Variants in PRCP observed in about 807,000 individuals in gnomAD.
The protein encoded by PRCP is lysosomal Pro-X carboxypeptidase.
Under a neutral mutation model 54.2 loss-of-function variants are expected in PRCP, and 46 were observed. That is an observed-to-expected ratio of 0.85 (90% confidence interval 0.67 to 1.09). The LOEUF is 1.09. PRCP is among the 50% of genes least tolerant of loss of function. The pLI is 0.00. For missense variants in PRCP, 613 were observed against 596.8 expected (o/e 1.03, Z -0.28); for synonymous variants, 240 against 212.2 (o/e 1.13, Z -1.14).
intron 6 of PRCP, among the ~76,000 whole-genome samples, chr11:82,846,902 G>C (rs1858820295): frequency 1.3e-5 from 2 of 152,174 alleles, no homozygotes; most frequent in South Asian, 4.1e-4. Context: ...TATTTCTCCA[G>C]CCTTTTTCTA....
At chr11:82,882,764 G>A (rs1040659784) in intron 1 of PRCP, among the ~76,000 whole-genome samples, 1 of 147,650 alleles carries the variant, frequency 6.8e-6, no homozygotes, top group African/African-American at 2.7e-5. Flanking sequence ...CAAAGTGCTG[G>A]GATTACAGGC....
At chr11:82,849,653 A>G (rs2121139806) in intron 5 of PRCP, among the ~76,000 whole-genome samples, 1 of 152,294 alleles carries the variant, frequency 6.6e-6, no homozygotes, top group African/African-American at 2.4e-5. Flanking sequence ...CTGGGTAGGT[A>G]TAGAGGTAGT....
rs1477811286 is a variant in PRCP, at chr11:82,900,181, G to T, written c.168+54C>A. The T allele has an allele frequency of 1.2e-5, 19 of 1,596,010 alleles. No individual in the cohort carries two copies. In the South Asian group the frequency reaches 2.0e-4, roughly 17 times the overall value. ...AGGCTCCGTTGCCCGGGCTCTGAGG[G>T]TCAGGGTTCCCGGCGGTTGGGCCTG... is the stretch of plus-strand genomic sequence containing the variant. On this transcript the variant is annotated intron_variant, in intron 1 of 8. Coordinates refer to ENST00000313010, the MANE Select transcript of PRCP (RefSeq NM_005040.4).
At chr11:82,865,193 A>C (rs935743826) in intron 1 of PRCP, among the ~76,000 whole-genome samples, 16 of 152,184 alleles carry the variant, frequency 1.1e-4, no homozygotes, top group African/African-American at 3.9e-4. Context: ...AATTCTTTTC[A>C]TGTGCTTTTA....
intron 8 of PRCP, chr11:82,829,507 T>C (rs552401031): frequency 7.2e-5 from 11 of 152,222 alleles, no homozygotes; most frequent in Non-Finnish European, 1.6e-4. Context: ...CTTGATGAAG[T>C]CTTCCCTGGT....
chr11:82,835,577 A>G (rs774064465), intron 8 of PRCP: 15 of 307,946 alleles, frequency 4.9e-5, no homozygotes, highest in Non-Finnish European at 9.4e-5. Context: ...CCTTTATGTT[A>G]GATGAGGAAG....
At chr11:82,875,824 TA>T (rs1859589998) in intron 1 of PRCP, among the ~76,000 whole-genome samples, 1 of 152,174 alleles carries the variant, frequency 6.6e-6, no homozygotes. Flanking sequence ...GAGAAGCTGA[TA>T]ATGTCTGTCC....
intron 1 of PRCP, among the ~76,000 whole-genome samples, chr11:82,895,121 T>A (rs1860089037): frequency 6.6e-6 from 1 of 152,206 alleles, no homozygotes; most frequent in Non-Finnish European, 1.5e-5. Flanking sequence ...TCATTTATTG[T>A]TTACTAACTG....
Position 82,882,559 on chromosome 11 carries a change from A to G in PRCP, c.168+17676T>C, listed in dbSNP as rs369449088. Among the ~76,000 whole-genome samples the G allele has an allele frequency of 2.7e-4, 39 of 145,204 alleles. 1 individual carries two copies. Among genetic ancestry groups the G allele is most frequent in the African/African-American group, 6.8e-4 (26 of 38,172 alleles). On this transcript the variant is annotated intron_variant, in intron 1 of 8. Coordinates refer to ENST00000313010, the MANE Select transcript of PRCP (RefSeq NM_005040.4). The stretch of plus-strand genomic sequence containing the variant: ...CGCCCAGGCTGGAGTGCAGTGGCGC[A>G]ATCTCGGCTCACTGCAAGCTCCGCC...
chr11:82,839,614 T>G (rs1858612497), intron 6 of PRCP, 189 bp from the exon 7 acceptor site: 4 of 627,334 alleles, frequency 6.4e-6, no homozygotes, highest in African/African-American at 5.6e-5. Flanking sequence ...AATTACTCCT[T>G]AGGCTATAGA....
chr11:82,858,836 C>T (rs1020221987), intron 2 of PRCP: 13 of 152,136 alleles, frequency 8.5e-5, no homozygotes, highest in African/African-American at 3.1e-4. Flanking sequence ...TTTCTCTTGT[C>T]ACTGACCTAA....
At chr11:82,838,695 G>A (rs1858589358) in intron 7 of PRCP, 121 bp from the exon 8 acceptor site, 1 of 867,284 alleles carries the variant, frequency 1.2e-6, no homozygotes, top group Non-Finnish European at 1.7e-6. Context: ...AGGCAAGGCA[G>A]CTTCAACGCC....
chr11:82,866,187 G>T (rs1031371117), intron 1 of PRCP, among the ~76,000 whole-genome samples: 3 of 152,186 alleles, frequency 2.0e-5, no homozygotes, highest in African/African-American at 7.2e-5. Context: ...GATTAAATTT[G>T]ACTTAAAGAA....
rs750128024 is a variant in PRCP, at chr11:82,900,332, G to A, written c.71C>T (p.Pro24Leu). 9 of 1,614,046 alleles carry A rather than the reference G, an allele frequency of 5.6e-6. No homozygotes were observed. In the African/African-American group the frequency reaches 1.2e-4, roughly 22 times the overall value. Reference sequence around the variant, plus strand: ...TAGGCTGCCGAGGGCCCTTAAGGCCGGCCGGAGGGCTATGGTGGCCCAGGG... The same window carrying A: ...TAGGCTGCCGAGGGCCCTTAAGGCCAGCCGGAGGGCTATGGTGGCCCAGGG... ...LAPWATIALR[P>L]ALRALGSLHL... The change falls in exon 1 of 9, where the codon CCG becomes CTG. Residue 24 changes from proline (P) to leucine (L), a missense_variant. Transcript: ENST00000313010.
At chr11:82,891,509 G>A (rs1246110284) in intron 1 of PRCP, among the ~76,000 whole-genome samples, 1 of 152,138 alleles carries the variant, frequency 6.6e-6, no homozygotes, top group Non-Finnish European at 1.5e-5. Flanking sequence ...ATCTCATTCT[G>A]ATTTACGGCC....
intron 8 of PRCP, among the ~76,000 whole-genome samples, chr11:82,831,980 G>A (rs1182106164): frequency 2.6e-5 from 4 of 151,648 alleles, no homozygotes; most frequent in South Asian, 2.1e-4. Flanking sequence ...CTGATTTTCT[G>A]TTCCTGTGTT....
chr11:82,876,456 G>T (rs571474236), intron 1 of PRCP, among the ~76,000 whole-genome samples: 1 of 152,132 alleles, frequency 6.6e-6, no homozygotes, highest in Non-Finnish European at 1.5e-5. Flanking sequence ...CATTTGGCAC[G>T]TGATATAGTT....
intron 3 of PRCP, among the ~76,000 whole-genome samples, chr11:82,852,241 A>C (rs7106555): frequency 0.4 from 61,169 of 152,054 alleles, 13,510 homozygotes; most frequent in African/African-American, 0.59. Context: ...ATCCCACTTT[A>C]TATTTATAAC....
chr11:82,886,524 T>C (rs2121256640), intron 1 of PRCP, among the ~76,000 whole-genome samples: 1 of 152,284 alleles, frequency 6.6e-6, no homozygotes, highest in Non-Finnish European at 1.5e-5. Flanking sequence ...TCTCAAGTGA[T>C]CCTCCTACCT....
Sources: allele counts gnomAD v4.1 joint callset (sites outside exome capture counted in the v4.1 genomes callset), GRCh38; gene constraint gnomAD v4.1.1; transcripts MANE v1.5; gene names NCBI Gene and HGNC (gene_info 2026-07-23, HGNC 2026-07-21).